Variants in PDIA6 observed in about 807,000 individuals in gnomAD.
PDIA6 encodes protein disulfide isomerase family A member 6.
In PDIA6, 29 loss-of-function variants were observed where a neutral mutation model predicts 58.4. The ratio of observed to expected loss-of-function variants is 0.50; its 90% CI spans 0.37 to 0.68. PDIA6 has a LOEUF of 0.68. Ranked by LOEUF, PDIA6 falls within the 30% of genes least tolerant of loss-of-function variation. The probability of loss-of-function intolerance (pLI) is 0.00; values close to 1 mark genes in which losing one functional copy is unlikely to be tolerated. For synonymous variants in PDIA6, 192 were observed against 202.6 expected (o/e 0.95, Z 0.44); for missense variants, 480 against 551.0 (o/e 0.87, Z 1.29).
intron 1 of PDIA6, among the ~76,000 whole-genome samples, chr2:10,806,339 T>C: frequency 7.0e-6 from 1 of 143,680 alleles, no homozygotes; most frequent in African/African-American, 2.6e-5. Flanking sequence ...CACCACTCAC[T>C]CCAGCCTGAT....
At chr2:10,785,325 T>A (rs1665667982) in intron 11 of PDIA6, among the ~76,000 whole-genome samples, 1 of 152,166 alleles carries the variant, frequency 6.6e-6, no homozygotes, top group Admixed American at 6.5e-5. Context: ...ATTAAATACA[T>A]AAATAATTAT....
intron 2 of PDIA6, among the ~76,000 whole-genome samples, chr2:10,818,094 G>T (rs912609884): frequency 6.6e-6 from 1 of 152,044 alleles, no homozygotes; most frequent in African/African-American, 2.4e-5. Flanking sequence ...TTTTCAGTGG[G>T]GATAGGCAGA....
At chr2:10,812,353 C>CA (rs369998365) in intron 1 of PDIA6, among the ~76,000 whole-genome samples, 1 of 151,958 alleles carries the variant, frequency 6.6e-6, no homozygotes, top group African/African-American at 2.4e-5. Context: ...TCCGGGAATA[C>CA]AGACCCCCTC....
intron 1 of PDIA6, among the ~76,000 whole-genome samples, chr2:10,828,440 C>A (rs375027652): frequency 2.6e-5 from 4 of 152,218 alleles, no homozygotes; most frequent in Admixed American, 1.3e-4. Context: ...GCCTGGAGCA[C>A]CCTGTTCCAG....
upstream of PDIA6, among the ~76,000 whole-genome samples, chr2:10,813,169 G>A (rs1489669391): frequency 6.6e-6 from 1 of 152,212 alleles, no homozygotes; most frequent in Non-Finnish European, 1.5e-5. Context: ...GCGTGACTCG[G>A]CCTCAGGGCA....
At chr2:10,821,214 C>A in intron 1 of PDIA6, 2 of 216,986 alleles carry the variant, frequency 9.2e-6, no homozygotes, top group East Asian at 1.2e-4. Flanking sequence ...GCCTCATCAG[C>A]TCTTCCAAAG....
At chr2:10,795,846 A>G (rs1312731900) in intron 4 of PDIA6, among the ~76,000 whole-genome samples, 3 of 152,220 alleles carry the variant, frequency 2.0e-5, no homozygotes, top group East Asian at 1.9e-4. Context: ...CTGCCACCCA[A>G]CCCATGAGCT....
At chr2:10,814,236 C>A (rs569618603), upstream of PDIA6, among the ~76,000 whole-genome samples, 31 of 152,244 alleles carry the variant, frequency 2.0e-4, 1 homozygote, top group African/African-American at 7.5e-4. Flanking sequence ...ACTAGAGCTG[C>A]GTTTGGAAGA....
At chr2:10,825,679 A>G (rs960989226) in intron 1 of PDIA6, among the ~76,000 whole-genome samples, 2 of 152,228 alleles carry the variant, frequency 1.3e-5, no homozygotes, top group Non-Finnish European at 2.9e-5. Context: ...CTGAGTAGAC[A>G]TTTCTCCAAG....
At chr2:10,830,042 G>A (rs1036770876) in intron 1 of PDIA6, among the ~76,000 whole-genome samples, 1 of 152,130 alleles carries the variant, frequency 6.6e-6, no homozygotes, top group African/African-American at 2.4e-5. Flanking sequence ...CCACTACCTT[G>A]GCTGACACTC....
upstream of PDIA6, among the ~76,000 whole-genome samples, chr2:10,836,899 T>G (rs1007969498): frequency 6.6e-6 from 1 of 152,320 alleles, no homozygotes; most frequent in Middle Eastern, 3.4e-3. Flanking sequence ...TGGGGTCCCA[T>G]GCCTCAACCC....
intron 11 of PDIA6, 89 bp from the exon 12 acceptor site, chr2:10,785,119 C>T (rs1665655852): frequency 2.2e-6 from 2 of 913,340 alleles, no homozygotes; most frequent in Non-Finnish European, 3.5e-6. Context: ...AACAGTCTGC[C>T]TACTTTGTTT....
chr2:10,795,760 T>C (rs1666240858), intron 4 of PDIA6, among the ~76,000 whole-genome samples: 1 of 152,134 alleles, frequency 6.6e-6, no homozygotes, highest in Non-Finnish European at 1.5e-5. Flanking sequence ...CCCTCACCCC[T>C]ACCTTCCCTG....
upstream of PDIA6, among the ~76,000 whole-genome samples, chr2:10,814,603 C>A (rs866385744): frequency 1.3e-5 from 2 of 152,318 alleles, no homozygotes; most frequent in Middle Eastern, 3.4e-3. Context: ...CTGTTGCTGA[C>A]TGGATTACAG....
chr2:10,820,231 T>A (rs1667343396), intron 1 of PDIA6, among the ~76,000 whole-genome samples: 1 of 151,864 alleles, frequency 6.6e-6, no homozygotes. Context: ...GAAAAATGGG[T>A]TGTTGATCTG....
upstream of PDIA6, among the ~76,000 whole-genome samples, chr2:10,836,692 C>T (rs932456935): frequency 1.3e-5 from 2 of 152,090 alleles, no homozygotes; most frequent in African/African-American, 2.4e-5. Context: ...CAAAAAGAAA[C>T]CTGTGCCAAT....
rs1384776717 is a variant in PDIA6 at position 10,784,190 on chromosome 2, C to T, written c.*68G>A. 5.0e-6 allele frequency: 6 copies of T among 1,195,246 alleles called. No individual in the cohort carries two copies. The highest frequency in any genetic ancestry group is 1.9e-4 in the Middle Eastern group (1 of 5,184). 74.0% of individuals were successfully genotyped at this position (1,195,246 alleles called of 1,614,324 possible). A position where few individuals can be genotyped will look rare whatever the true frequency, so the allele number is the denominator to read the frequency against. ...GAGTCATCTGAGTGTAGAGAATGTC[C>T]CTTCACTGCTGGAAAAATCCACTGG... On this transcript the variant is annotated 3_prime_UTR_variant, in exon 13 of 13. Coordinates refer to ENST00000272227, the MANE Select transcript of PDIA6 (RefSeq NM_005742.4).
At chr2:10,797,908 G>T in intron 2 of PDIA6, 151 bp from the exon 3 acceptor site, 1 of 624,384 alleles carries the variant, frequency 1.6e-6, no homozygotes, top group Non-Finnish European at 2.8e-6. Flanking sequence ...ATCAAGGCCG[G>T]GCACGGTGTC....
At chr2:10,828,841 C>T (rs941679750) in intron 1 of PDIA6, among the ~76,000 whole-genome samples, 5 of 152,206 alleles carry the variant, frequency 3.3e-5, no homozygotes, top group Admixed American at 2.0e-4. Context: ...TGGATGTGTT[C>T]GGAAATTCCC....
Sources: allele counts gnomAD v4.1 joint callset (sites outside exome capture counted in the v4.1 genomes callset), GRCh38; gene constraint gnomAD v4.1.1; transcripts MANE v1.5; gene names NCBI Gene and HGNC (gene_info 2026-07-23, HGNC 2026-07-21).